NINJ2: variants seen among roughly 807,000 people sequenced by gnomAD.
The protein encoded by NINJ2 is ninjurin 2.
NINJ2 carries 12 observed loss-of-function variants against 11.7 expected under a neutral mutation model. That is an observed-to-expected ratio of 1.02 (90% confidence interval 0.66 to 1.66). The LOEUF (loss-of-function observed/expected upper bound fraction) is 1.66. NINJ2 is among the 40% of genes most tolerant of loss of function. The probability of loss-of-function intolerance (pLI) is 0.00; values close to 1 mark genes in which losing one functional copy is unlikely to be tolerated. For synonymous variants in NINJ2, 93 were observed against 76.8 expected (o/e 1.21, Z -1.10); for missense variants, 187 against 181.8 (o/e 1.03, Z -0.16).
At chr12:590,480 C>G (rs1947703232) in intron 1 of NINJ2, among the ~76,000 whole-genome samples, 1 of 152,212 alleles carries the variant, frequency 6.6e-6, no homozygotes, top group Non-Finnish European at 1.5e-5. Context: ...AAAAACGCAC[C>G]CTCAGCGTTG....
At chr12:637,044 T>G (rs1036640917) in intron 1 of NINJ2, among the ~76,000 whole-genome samples, 1 of 152,230 alleles carries the variant, frequency 6.6e-6, no homozygotes, top group Non-Finnish European at 1.5e-5. Flanking sequence ...GGAATATTTT[T>G]CAGGCTAGAA....
chr12:643,487 A>G, intron 1 of NINJ2: 5 of 988,268 alleles, frequency 5.1e-6, no homozygotes, highest in South Asian at 9.4e-5. Context: ...ATTCGGGAAC[A>G]CGGCTTTGTC....
rs1341876651 is a variant in NINJ2 at position 606,485 on chromosome 12, A to G, written c.34-40307T>C. ...GTTTTTTCTAGAGCAGAAAACATCA[A>G]TTTTGGGGTCAAAAGGACTTACCAA... On this transcript the variant is annotated intron_variant, in intron 1 of 3. Coordinates refer to ENST00000305108, the MANE Select transcript of NINJ2 (RefSeq NM_016533.6). Among the ~76,000 whole-genome samples the G allele has an allele frequency of 2.6e-5, 4 of 152,218 alleles. No individual in the cohort carries two copies. In the East Asian group the frequency reaches 7.7e-4, roughly 29 times the overall value.
chr12:631,314 G>A (rs1323874267), intron 1 of NINJ2, among the ~76,000 whole-genome samples: 1 of 152,106 alleles, frequency 6.6e-6, no homozygotes, highest in Non-Finnish European at 1.5e-5. Flanking sequence ...GGGCATCTGC[G>A]AATTTACTCA....
chr12:580,799 T>TGTGTGTGTCTGTGTGTATGC lies in NINJ2; in HGVS notation c.34-14641_34-14622dup, dbSNP rs1185263471. Among the ~76,000 whole-genome samples, 2 of 152,062 alleles carry TGTGTGTGTCTGTGTGTATGC rather than the reference T, an allele frequency of 1.3e-5. No homozygotes were observed. The highest frequency in any genetic ancestry group is 1.9e-4 in the East Asian group (1 of 5,180). ...CGGCAGCCACAATGTGTTTTCTGTGTGTGTGTGTCTGTGTGTATGCGTGTG... is the reference window on the plus strand; with the variant it reads ...CGGCAGCCACAATGTGTTTTCTGTGTGTGTGTGTCTGTGTGTATGCGTGTGTGTCTGTGTGTATGCGTGTG... On this transcript the variant is annotated intron_variant, in intron 1 of 3. Transcript: ENST00000305108. This position sits in a 1 kb window ranked among gnomAD's most constrained non-coding sequence, Gnocchi z 4.7.
At chr12:566,624 G>A (rs1302983293) in intron 1 of NINJ2, among the ~76,000 whole-genome samples, 4 of 152,170 alleles carry the variant, frequency 2.6e-5, no homozygotes, top group African/African-American at 2.4e-5. Context: ...ACCTCCTCTC[G>A]CATAATGCTG....
chr12:646,123 C>T (rs573781609), intron 1 of NINJ2, among the ~76,000 whole-genome samples: 1 of 152,342 alleles, frequency 6.6e-6, no homozygotes, highest in African/African-American at 2.4e-5. Context: ...GGAAACAGCA[C>T]AGGCAGTACT....
rs996048064 is a variant in NINJ2, at chr12:640,647, C to T, written c.33+22681G>A. 6.6e-6 allele frequency among the ~76,000 whole-genome samples: 1 copy of T among 152,070 alleles called. No individual in the cohort carries two copies. Among genetic ancestry groups the T allele is most frequent in the African/African-American group, 2.4e-5 (1 of 41,394 alleles). On this transcript the variant is annotated intron_variant, in intron 1 of 3. Transcript: ENST00000305108. This position sits in a 1 kb window ranked among gnomAD's most constrained non-coding sequence, Gnocchi z 4.0. ...TCAAGTGAGTCTCGTGCCTCAGCAT[C>T]CCAAGTAGGGCTAATATCTGTATTT...
intron 1 of NINJ2, among the ~76,000 whole-genome samples, chr12:620,601 C>A (rs1214445600): frequency 6.6e-6 from 1 of 150,596 alleles, no homozygotes; most frequent in Non-Finnish European, 1.5e-5. Context: ...TTGGAAGGAT[C>A]CAAAAGTGGT....
In NINJ2 at chr12:580,600, T is replaced by A. The variant is rs11609620; in HGVS notation, c.34-14422A>T. ...AGACCCTGTCTCAAAAAAAAAAAAA[T>A]ATATATATATATATATCCATTTGTC... On this transcript the variant is annotated intron_variant, in intron 1 of 3. Coordinates refer to ENST00000305108, the MANE Select transcript of NINJ2 (RefSeq NM_016533.6). The surrounding 1 kb of genome is among the most constrained non-coding windows in gnomAD (Gnocchi z 4.7). Among the ~76,000 whole-genome samples, 753 of 39,362 alleles carry A rather than the reference T, an allele frequency of 0.019. 3 individuals are homozygous for A. Among genetic ancestry groups the A allele is most frequent in the South Asian group, 0.074 (66 of 890 alleles). The allele number at this position is 39,362 out of a possible 152,430, so 25.8% of individuals were successfully genotyped here.
intron 1 of NINJ2, among the ~76,000 whole-genome samples, chr12:639,413 A>G (rs1021862739): frequency 4.6e-5 from 7 of 152,064 alleles, no homozygotes; most frequent in Non-Finnish European, 7.3e-5. Flanking sequence ...GAGGTGGCAG[A>G]CCCAGGATTC....
Position 581,024 on chromosome 12 carries a change from C to T in NINJ2, c.34-14846G>A, listed in dbSNP as rs550424551. ...TCTGTGTGAATGTGTGTGTTCATGT[C>T]TTGTGTATGTGTCTGTGTGTGTCTG... is the stretch of plus-strand genomic sequence containing the variant. On this transcript the variant is annotated intron_variant, in intron 1 of 3. Transcript: ENST00000305108. This position sits in a 1 kb window ranked among gnomAD's most constrained non-coding sequence, Gnocchi z 4.9. 2.0e-5 allele frequency among the ~76,000 whole-genome samples: 3 copies of T among 147,906 alleles called. No homozygotes were observed. The South Asian group carries it at 6.4e-4, about 32-fold the overall frequency.
chr12:643,842 T>A, intron 1 of NINJ2: 1 of 211,180 alleles, frequency 4.7e-6, no homozygotes, highest in Non-Finnish European at 8.3e-6. Context: ...GCTCAGGTCT[T>A]AGATGACACT....
rs562345209 is a variant in NINJ2 at position 604,976 on chromosome 12, G to A, written c.34-38798C>T. On this transcript the variant is annotated intron_variant, in intron 1 of 3. Coordinates refer to ENST00000305108, the MANE Select transcript of NINJ2 (RefSeq NM_016533.6). The stretch of plus-strand genomic sequence containing the variant: ...GGCCCCAGTAAGATAAGTACAGGAA[G>A]CAAGAATATGTGTTTAGGATTTTCA... Among the ~76,000 whole-genome samples the A allele has an allele frequency of 5.9e-5, 9 of 152,352 alleles. No homozygotes were observed. In the South Asian group the frequency reaches 1.9e-3, roughly 32 times the overall value.
chr12:594,820 A>G (rs892746414), intron 1 of NINJ2, among the ~76,000 whole-genome samples: 3 of 152,242 alleles, frequency 2.0e-5, no homozygotes, highest in African/African-American at 7.2e-5. Flanking sequence ...GTAGATATCA[A>G]CAAACCGATT....
chr12:594,406 AT>A (rs1257177132), intron 1 of NINJ2, among the ~76,000 whole-genome samples: 1 of 152,240 alleles, frequency 6.6e-6, no homozygotes, highest in Non-Finnish European at 1.5e-5. Flanking sequence ...GATATTATGT[AT>A]CAATAAAAAT....
chr12:611,229 T>C (rs1284854547), intron 1 of NINJ2, among the ~76,000 whole-genome samples: 2 of 97,136 alleles, frequency 2.1e-5, no homozygotes, highest in African/African-American at 4.4e-5. Context: ...TTCTTTCTTT[T>C]TCTTTCTTTC....
intron 1 of NINJ2, 155 bp downstream of exon 1, chr12:663,173 T>G: frequency 1.5e-6 from 1 of 652,106 alleles, no homozygotes; most frequent in Non-Finnish European, 2.6e-6. Context: ...AAAGAGAAAA[T>G]AAAGAGACAA....
chr12:632,138 G>T (rs117915226), intron 1 of NINJ2: 1 of 152,128 alleles, frequency 6.6e-6, no homozygotes, highest in Non-Finnish European at 1.5e-5. Flanking sequence ...TGGGGGACCC[G>T]GGAGGATGAA....
Sources: gnomAD v4.1 joint callset for allele counts (sites outside exome capture counted in the v4.1 genomes callset) on GRCh38, gnomAD v4.1.1 for gene constraint, Gnocchi (gnomAD v3.1) non-coding constraint, MANE v1.5 for transcripts, NCBI Gene and HGNC (gene_info 2026-07-23, HGNC 2026-07-21) for gene names.